The following IGSF10 variants were observed in gnomAD, a reference collection of about 807,000 sequenced individuals.
IGSF10 encodes the protein calvaria mechanical force protein 608.
In IGSF10, 126 loss-of-function variants were observed where a neutral mutation model predicts 128.2. The observed-to-expected ratio is 0.98, with a 90% confidence interval of 0.85 to 1.14. The LOEUF is 1.14. IGSF10 is among the 50% of genes most tolerant of loss of function. The pLI is 0.00. For synonymous variants in IGSF10, 1,185 were observed against 1,146.2 expected (o/e 1.03, Z -0.68); for missense variants, 3,295 against 3,149.8 (o/e 1.05, Z -1.10).
In IGSF10 at chr3:151,448,471, T is replaced by C; in HGVS notation, c.1510A>G (p.Thr504Ala). Reference sequence around the variant, plus strand: ...GCTAGAAGCCAATCCACGTGTGGGGTGGGGTCTCCTTGGCCTGGGCAGTTC... The same window carrying C: ...GCTAGAAGCCAATCCACGTGTGGGGCGGGGTCTCCTTGGCCTGGGCAGTTC... ...GLNCPGQGDP[T>A]PHVDWLLADG... Residue 504 changes from threonine to alanine, a missense_variant, in exon 6 of 8, where the codon ACC becomes GCC. Coordinates refer to ENST00000282466, the MANE Select transcript of IGSF10 (RefSeq NM_178822.5). 6.2e-7 allele frequency: 1 copy of C among 1,614,196 alleles called. No homozygotes were observed. The highest frequency in any genetic ancestry group is 8.5e-7 in the Non-Finnish European group (1 of 1,180,018).
the IGSF10 span, among the ~76,000 whole-genome samples, chr3:151,615,899 T>C: frequency 1.8e-3 from 281 of 152,158 alleles, no homozygotes; most frequent in Non-Finnish European, 1.7e-3. Context: ...TAGGGATTCG[T>C]TTATTTATCC....
At chr3:151,514,154 G>T in the IGSF10 span, among the ~76,000 whole-genome samples, 2 of 151,954 alleles carry the variant, frequency 1.3e-5, no homozygotes, top group African/African-American at 2.4e-5. Flanking sequence ...AAAAGAGCCC[G>T]CATTGCCAAG....
the IGSF10 span, among the ~76,000 whole-genome samples, chr3:151,538,017 G>A: frequency 1.3e-5 from 2 of 152,124 alleles, no homozygotes; most frequent in Admixed American, 6.6e-5. Flanking sequence ...AGATTCCTCT[G>A]ACTATTACTC....
the IGSF10 span, among the ~76,000 whole-genome samples, chr3:151,567,694 C>G: frequency 5.3e-5 from 8 of 152,256 alleles, no homozygotes; most frequent in African/African-American, 1.9e-4. Context: ...CCTAATCAGC[C>G]CAGGGCGAGG....
Position 151,443,444 on chromosome 3 carries a change from T to A in IGSF10, c.5503A>T (p.Ile1835Leu). ...ACAGGTGGTGCTGCAATGACTTGTA[T>A]TTTAACCAGCAGTGAATCCTGGCCA... ...PGGQDSLLVK[I>L]QVIAAPPVIL... The change falls in exon 7 of 8, where the codon ATA becomes TTA. Residue 1835 changes from isoleucine to leucine, a missense_variant. By Grantham distance (5) the Ile-to-Leu change is conservative. Coordinates refer to ENST00000282466, the MANE Select transcript of IGSF10 (RefSeq NM_178822.5). The A allele has an allele frequency of 6.2e-7, 1 of 1,614,244 alleles. No homozygotes were observed. The highest frequency in any genetic ancestry group is 8.5e-7 in the Non-Finnish European group (1 of 1,180,040).
At position 151,437,410 on chromosome 3, in the gene IGSF10, T is replaced by C. The variant is rs533904682; in HGVS notation, c.7151A>G (p.Gln2384Arg). The change falls in exon 8 of 8, where the codon CAA becomes CGA. Residue 2384 changes from glutamine to arginine, a missense_variant. Physicochemically the swap from Gln to Arg is conservative, Grantham distance 43. Transcript: ENST00000282466. ...GCTTGCTATCAGATACTGATAACTT[T>C]GTGGTCCATTGGAAAATCGTGTGCC... ...PNGTRFSNGP[Q>R]SYQYLIASNG... is the part of the protein sequence containing the mutation. The C allele has an allele frequency of 1.7e-5, 28 of 1,614,086 alleles. No homozygotes were observed. Among genetic ancestry groups the C allele is most frequent in the South Asian group, 3.3e-5 (3 of 91,088 alleles).
the IGSF10 span, among the ~76,000 whole-genome samples, chr3:151,549,715 G>A: frequency 2.6e-4 from 40 of 152,102 alleles, no homozygotes; most frequent in African/African-American, 9.6e-4. Flanking sequence ...GATTTTAATG[G>A]AAACCAGAGA....
chr3:151,573,859 G>A, the IGSF10 span, among the ~76,000 whole-genome samples: 1 of 152,200 alleles, frequency 6.6e-6, no homozygotes, highest in Non-Finnish European at 1.5e-5. Context: ...TTTTGCAGTG[G>A]CTGGTACCAG....
At chr3:151,561,680 A>G in the IGSF10 span, among the ~76,000 whole-genome samples, 2 of 152,316 alleles carry the variant, frequency 1.3e-5, no homozygotes, top group East Asian at 3.9e-4. Context: ...GAAAGAAACA[A>G]GAAGCAAAAT....
rs1313710133 is a variant in IGSF10 at position 151,447,329 on chromosome 3, G to T, written c.2652C>A (p.Gly884=). 8.1e-6 allele frequency: 13 copies of T among 1,614,088 alleles called. No homozygotes were observed. Among genetic ancestry groups the T allele is most frequent in the Non-Finnish European group, 1.1e-5 (13 of 1,180,058 alleles). ...CAGTGGATGAATGTTGATTGGTTGTGCCTTGTATTTGGCTTGACATGGTTG... is the reference window on the plus strand; with the variant it reads ...CAGTGGATGAATGTTGATTGGTTGTTCCTTGTATTTGGCTTGACATGGTTG... ...INPTMSSQIQ[G]TTNQHSSTVF... is the part of the protein sequence containing the mutation. Residue 884 remains glycine, a synonymous_variant, in exon 6 of 8, where the codon GGC becomes GGA. Transcript: ENST00000282466.
chr3:151,559,072 A>G, the IGSF10 span, among the ~76,000 whole-genome samples: 1 of 152,226 alleles, frequency 6.6e-6, no homozygotes, highest in Non-Finnish European at 1.5e-5. Context: ...TAAATCAAGT[A>G]GATTTAGATG....
chr3:151,486,563 G>A, the IGSF10 span, among the ~76,000 whole-genome samples: 2 of 152,102 alleles, frequency 1.3e-5, no homozygotes, highest in Admixed American at 1.3e-4. Context: ...CATATAATTG[G>A]AAGTAAAACA....
chr3:151,527,665 C>G, the IGSF10 span, among the ~76,000 whole-genome samples: 1 of 152,120 alleles, frequency 6.6e-6, no homozygotes, highest in African/African-American at 2.4e-5. Context: ...AAATCCAAAT[C>G]TGGGCCAGGT....
the IGSF10 span, among the ~76,000 whole-genome samples, chr3:151,610,948 TC>T: frequency 6.6e-6 from 1 of 152,286 alleles, no homozygotes; most frequent in African/African-American, 2.4e-5. Context: ...CAATTAAACT[TC>T]AGCATGCATT....
chr3:151,612,377 C>T, the IGSF10 span, among the ~76,000 whole-genome samples: 2 of 152,206 alleles, frequency 1.3e-5, no homozygotes, highest in Non-Finnish European at 2.9e-5. Context: ...TTGTGTGACA[C>T]ACACATACCA....
At chr3:151,534,045 CAT>C in the IGSF10 span, among the ~76,000 whole-genome samples, 1 of 152,118 alleles carries the variant, frequency 6.6e-6, no homozygotes, top group Non-Finnish European at 1.5e-5. Context: ...AGTCAACAAA[CAT>C]ATGAAAAAAA....
intron 1 of IGSF10, among the ~76,000 whole-genome samples, chr3:151,460,728 T>C (rs1313084884): frequency 6.6e-6 from 1 of 151,580 alleles, no homozygotes; most frequent in Non-Finnish European, 1.5e-5. Context: ...CTTTCCTCAG[T>C]GTGTGTTTTT....
At position 151,446,822 on chromosome 3, in the gene IGSF10, T is replaced by G. The variant is rs1342996574; in HGVS notation, c.3159A>C (p.Ala1053=). The G allele has an allele frequency of 6.2e-7, 1 of 1,614,168 alleles. No individual in the cohort carries two copies. Among genetic ancestry groups the G allele is most frequent in the South Asian group, 1.1e-5 (1 of 91,086 alleles). ...TRGSSEKSTT[A]FSATVLNVTC... ...TCACATTGAGCACTGTGGCTGAGAA[T>G]GCAGTAGTGCTTTTTTCAGAAGAAC... The change falls in exon 6 of 8, where the codon GCA becomes GCC. Residue 1053 remains alanine, a synonymous_variant. Transcript: ENST00000282466.
At chr3:151,435,681 C>T (rs190121363), downstream of IGSF10, 4 of 152,032 alleles carry the variant, frequency 2.6e-5, no homozygotes, top group African/African-American at 7.2e-5. Context: ...ACTGGAAAAC[C>T]CCACCCCTAG....
Sources: gnomAD v4.1 joint callset for allele counts (sites outside exome capture counted in the v4.1 genomes callset) on GRCh38, gnomAD v4.1.1 for gene constraint, MANE v1.5 for transcripts, NCBI Gene and HGNC (gene_info 2026-07-23, HGNC 2026-07-21) for gene names.